ADCK1: variants seen among roughly 807,000 people sequenced by gnomAD.
The protein encoded by ADCK1 is aarF domain containing kinase 1, also known as aarF domain-containing protein kinase 1.
A neutral mutation model predicts 52.3 loss-of-function variants in ADCK1; 41 were observed. The ratio of observed to expected loss-of-function variants is 0.78; its 90% CI spans 0.61 to 1.02. ADCK1 has a LOEUF of 1.02. Among genes scored for constraint, ADCK1 ranks in the 50% least tolerant of loss-of-function variants. ADCK1 has a pLI of 0.00. For missense variants in ADCK1, 658 were observed against 679.5 expected, an observed-to-expected ratio of 0.97 and a Z score of 0.35; for synonymous variants, 250 against 274.6, an observed-to-expected ratio of 0.91 and a Z score of 0.89.
intron 4 of ADCK1, among the ~76,000 whole-genome samples, chr14:77,861,718 G>A (rs2082553224): frequency 6.6e-6 from 1 of 152,214 alleles, no homozygotes; most frequent in African/African-American, 2.4e-5. Context: ...GTGGTGTGGT[G>A]AGGGAGGTGC....
At chr14:77,869,530 A>G (rs998422942) in intron 4 of ADCK1, among the ~76,000 whole-genome samples, 15 of 152,074 alleles carry the variant, frequency 9.9e-5, no homozygotes, top group African/African-American at 3.4e-4. Context: ...ATCTGCAATG[A>G]CCTCATTTCC....
intron 3 of ADCK1, among the ~76,000 whole-genome samples, chr14:77,836,594 A>C (rs719049): frequency 0.39 from 58,477 of 151,774 alleles, 12,024 homozygotes; most frequent in Admixed American, 0.51. Flanking sequence ...ATTCTCCTAC[A>C]TTTCTTAAGG....
At chr14:77,859,863 T>C (rs953428363) in intron 4 of ADCK1, among the ~76,000 whole-genome samples, 4 of 152,220 alleles carry the variant, frequency 2.6e-5, no homozygotes, top group Non-Finnish European at 5.9e-5. Context: ...TGTATAGTAA[T>C]GGTGTTCTAT....
chr14:77,851,018 C>G (rs1281709397), intron 3 of ADCK1, among the ~76,000 whole-genome samples: 4 of 151,854 alleles, frequency 2.6e-5, no homozygotes, highest in Non-Finnish European at 5.9e-5. Flanking sequence ...TTTGCCATTA[C>G]TTTTAATGAA....
intron 1 of ADCK1, among the ~76,000 whole-genome samples, chr14:77,817,889 C>G (rs1372076574): frequency 7.1e-6 from 1 of 141,788 alleles, no homozygotes; most frequent in Non-Finnish European, 1.5e-5. Flanking sequence ...GCGCCCGCCA[C>G]CACGCCTGGC....
At chr14:77,825,865 T>G (rs1204927667) in intron 3 of ADCK1, among the ~76,000 whole-genome samples, 1 of 152,090 alleles carries the variant, frequency 6.6e-6, no homozygotes, top group Non-Finnish European at 1.5e-5. Flanking sequence ...TCCCTGCCCC[T>G]CTTTCTCCAG....
At chr14:77,889,370 G>A (rs1335609431) in intron 5 of ADCK1, among the ~76,000 whole-genome samples, 1 of 152,142 alleles carries the variant, frequency 6.6e-6, no homozygotes, top group Non-Finnish European at 1.5e-5. Flanking sequence ...ATATCTTGTT[G>A]TATTGTACTC....
At chr14:77,875,087 A>G (rs1281994875) in intron 4 of ADCK1, among the ~76,000 whole-genome samples, 2 of 152,156 alleles carry the variant, frequency 1.3e-5, no homozygotes, top group African/African-American at 2.4e-5. Flanking sequence ...TGTGGGGAAC[A>G]AGAGTAGAAC....
intron 6 of ADCK1, chr14:77,900,655 C>T (rs747107670): frequency 4.4e-5 from 20 of 451,674 alleles, no homozygotes; most frequent in Middle Eastern, 3.2e-4. Flanking sequence ...GGTGACTCAC[C>T]GACTCGCAGC....
At chr14:77,918,611 A>T (rs998815644) in intron 7 of ADCK1, among the ~76,000 whole-genome samples, 5 of 152,158 alleles carry the variant, frequency 3.3e-5, no homozygotes, top group African/African-American at 1.2e-4. Flanking sequence ...TCTGAGTAGG[A>T]GGGGGCTGGC....
chr14:77,851,047 A>G (rs139947225), intron 3 of ADCK1, among the ~76,000 whole-genome samples: 5 of 152,082 alleles, frequency 3.3e-5, no homozygotes, highest in African/African-American at 1.2e-4. Context: ...TTACTTTTGC[A>G]TCAACTCCGT....
chr14:77,830,259 T>G (rs1290842615), intron 3 of ADCK1, among the ~76,000 whole-genome samples: 1 of 151,300 alleles, frequency 6.6e-6, no homozygotes, highest in East Asian at 1.9e-4. Context: ...GTTCAAGCGA[T>G]TCTCCCACCT....
At chr14:77,899,994 C>T (rs762670811) in intron 6 of ADCK1, among the ~76,000 whole-genome samples, 18 of 149,450 alleles carry the variant, frequency 1.2e-4, no homozygotes, top group Middle Eastern at 3.3e-3. Context: ...CACTTGAACC[C>T]GGGAGGTGGA....
At chr14:77,903,208 A>G (rs551492349) in intron 6 of ADCK1, among the ~76,000 whole-genome samples, 2 of 152,398 alleles carry the variant, frequency 1.3e-5, no homozygotes, top group Admixed American at 6.5e-5. Flanking sequence ...TTCCTAAGAC[A>G]GTGGTGGAAT....
chr14:77,802,476 AGTG>A (rs908189553), intron 1 of ADCK1, among the ~76,000 whole-genome samples: 4 of 151,566 alleles, frequency 2.6e-5, no homozygotes, highest in African/African-American at 9.7e-5. Flanking sequence ...TTTGAGACAG[AGTG>A]TTGCTCTGTC....
chr14:77,910,206 G>A (rs1377976424), intron 7 of ADCK1, among the ~76,000 whole-genome samples: 7 of 152,174 alleles, frequency 4.6e-5, no homozygotes, highest in Non-Finnish European at 8.8e-5. Flanking sequence ...TTGCCAATGC[G>A]TGAGCTGCCT....
chr14:77,924,701 G>A, intron 8 of ADCK1, 95 bp downstream of exon 8: 2 of 1,511,828 alleles, frequency 1.3e-6, no homozygotes, highest in Non-Finnish European at 1.8e-6. Context: ...GAGATAGCGA[G>A]GGTAGCTGGA....
chr14:77,921,421 A>G (rs1240786555), intron 7 of ADCK1, among the ~76,000 whole-genome samples: 1 of 151,572 alleles, frequency 6.6e-6, no homozygotes, highest in Non-Finnish European at 1.5e-5. Context: ...GTGCTTTCTC[A>G]TATGTGATCC....
intron 6 of ADCK1, chr14:77,900,501 C>T (rs1186862304): frequency 4.7e-5 from 20 of 427,216 alleles, no homozygotes; most frequent in Non-Finnish European, 5.6e-5. Flanking sequence ...ACAGGAGAAT[C>T]GCTTGGACCC....
Sources: allele counts gnomAD v4.1 joint callset (sites outside exome capture counted in the v4.1 genomes callset), GRCh38; gene constraint gnomAD v4.1.1; transcripts MANE v1.5; gene names NCBI Gene and HGNC (gene_info 2026-07-23, HGNC 2026-07-21).